FAM178B: variants seen among roughly 807,000 people sequenced by gnomAD.
FAM178B encodes the protein protein FAM178B.
Under a neutral mutation model 91.7 loss-of-function variants are expected in FAM178B, and 82 were observed. The ratio of observed to expected loss-of-function variants is 0.89; its 90% CI spans 0.75 to 1.07. The LOEUF (loss-of-function observed/expected upper bound fraction) is 1.07, where lower values mean the gene tolerates loss of function less well. FAM178B is among the 50% of genes least tolerant of loss of function. FAM178B has a pLI of 0.00. For missense variants in FAM178B, 769 were observed against 846.7 expected, an observed-to-expected ratio of 0.91 and a Z score of 1.14; for synonymous variants, 368 against 359.4, an observed-to-expected ratio of 1.02 and a Z score of -0.27.
chr2:96,949,545 C>G (rs1478847647), intron 7 of FAM178B, among the ~76,000 whole-genome samples: 1 of 152,152 alleles, frequency 6.6e-6, no homozygotes, highest in Admixed American at 6.5e-5. Context: ...CCCAGCATGC[C>G]CCTACCCTGG....
Position 96,930,194 on chromosome 2 carries a change from C to T in FAM178B, c.1079-874G>A, listed in dbSNP as rs369966488. On this transcript the variant is annotated intron_variant, in intron 8 of 16. Transcript: ENST00000490605. ...CACTCCAGCAGCCTGGGTGACAGAG[C>T]GAGACTCCGTCTCTCCAAAAAAAAA... is the stretch of plus-strand genomic sequence containing the variant. Among the ~76,000 whole-genome samples the T allele has an allele frequency of 2.7e-4, 30 of 111,168 alleles. No individual in the cohort carries two copies. In the East Asian group the frequency reaches 3.9e-3, roughly 15 times the overall value. The allele number at this position is 111,168 out of a possible 152,430, so 72.9% of individuals were successfully genotyped here.
At chr2:96,959,228 T>TAAAAAAAAAA (rs2082046732) in intron 6 of FAM178B, among the ~76,000 whole-genome samples, 1 of 130,172 alleles carries the variant, frequency 7.7e-6, no homozygotes, top group African/African-American at 3.0e-5. Flanking sequence ...AAAAAAAAAG[T>TAAAAAAAAAA]AATCCTGCAA....
At chr2:96,905,479 C>T (rs1481527213) in intron 12 of FAM178B, among the ~76,000 whole-genome samples, 1 of 150,930 alleles carries the variant, frequency 6.6e-6, no homozygotes, top group African/African-American at 2.4e-5. Flanking sequence ...ATTGCTTGAA[C>T]CCGGGAGGCA....
intron 9 of FAM178B, 61 bp from the exon 10 acceptor site, chr2:96,923,644 G>A (rs938205103): frequency 3.1e-6 from 4 of 1,304,802 alleles, no homozygotes; most frequent in South Asian, 2.5e-5. Flanking sequence ...GGGCAGGAGT[G>A]AGGCGCAAAG....
At chr2:96,951,325 G>A (rs1332163478) in intron 7 of FAM178B, 54 bp downstream of exon 7, 4 of 1,327,378 alleles carry the variant, frequency 3.0e-6, no homozygotes, top group Admixed American at 2.0e-5. Flanking sequence ...TGGGCCTGCC[G>A]GGCCACCAGA....
intron 9 of FAM178B, 72 bp from the exon 10 acceptor site, chr2:96,923,655 T>C (rs1341248447): frequency 1.8e-6 from 2 of 1,114,710 alleles, no homozygotes; most frequent in African/African-American, 3.1e-5. Context: ...AGGCGCAAAG[T>C]GGGACACTGC....
At chr2:96,928,320 T>C (rs977599935) in intron 9 of FAM178B, among the ~76,000 whole-genome samples, 1 of 152,172 alleles carries the variant, frequency 6.6e-6, no homozygotes, top group Non-Finnish European at 1.5e-5. Flanking sequence ...TGTGCTAAAA[T>C]TTGTAGAACA....
At chr2:96,962,050 TCAGCA>T (rs1364716363) in intron 5 of FAM178B, among the ~76,000 whole-genome samples, 2 of 152,124 alleles carry the variant, frequency 1.3e-5, no homozygotes, top group East Asian at 3.9e-4. Context: ...GTGCGGTGGC[TCAGCA>T]CTATGGGAGG....
intron 13 of FAM178B, chr2:96,894,948 C>A (rs2080790449): frequency 2.4e-6 from 2 of 834,594 alleles, no homozygotes; most frequent in Non-Finnish European, 1.7e-6. Context: ...TGCCGCTCTG[C>A]ATCTGTGGGC....
intron 8 of FAM178B, among the ~76,000 whole-genome samples, chr2:96,935,354 C>A (rs2081607056): frequency 6.6e-6 from 1 of 152,198 alleles, no homozygotes; most frequent in South Asian, 2.1e-4. Context: ...GCCTCTCATG[C>A]TCCAGGTCAC....
At chr2:96,983,108 T>C (rs2082383403) in intron 1 of FAM178B, among the ~76,000 whole-genome samples, 1 of 151,928 alleles carries the variant, frequency 6.6e-6, no homozygotes, top group Non-Finnish European at 1.5e-5. Context: ...CTTGAACTCC[T>C]GGGATCAAAC....
intron 1 of FAM178B, among the ~76,000 whole-genome samples, chr2:96,982,066 C>CA (rs1017258283): frequency 2.6e-4 from 39 of 149,090 alleles, no homozygotes; most frequent in South Asian, 1.9e-3. Flanking sequence ...GACCCTGTCT[C>CA]AAAAAAAAAG....
At chr2:96,920,069 AAGG>A in intron 12 of FAM178B, among the ~76,000 whole-genome samples, 1 of 152,124 alleles carries the variant, frequency 6.6e-6, no homozygotes, top group Non-Finnish European at 1.5e-5. Context: ...AGGGGTAGGA[AAGG>A]AGTCATTCTA....
At chr2:96,923,370 G>T in intron 10 of FAM178B, 120 bp downstream of exon 10, 1 of 754,648 alleles carries the variant, frequency 1.3e-6, no homozygotes, top group Non-Finnish European at 2.3e-6. Flanking sequence ...AGCCAGCACA[G>T]TGCCTGCCAT....
chr2:96,940,467 CAG>C (rs1300692028), intron 8 of FAM178B, among the ~76,000 whole-genome samples: 3 of 152,158 alleles, frequency 2.0e-5, no homozygotes, highest in African/African-American at 7.2e-5. Flanking sequence ...TGGTGAAGAA[CAG>C]AGAGTGTCAA....
chr2:96,964,965 C>T (rs1051788178), intron 5 of FAM178B, among the ~76,000 whole-genome samples: 2 of 152,118 alleles, frequency 1.3e-5, no homozygotes, highest in Non-Finnish European at 2.9e-5. Context: ...TGTTCTCTCT[C>T]CCCAGGTGAT....
chr2:96,925,546 C>T (rs1017330372), intron 9 of FAM178B, among the ~76,000 whole-genome samples: 3 of 152,228 alleles, frequency 2.0e-5, no homozygotes, highest in African/African-American at 7.2e-5. Flanking sequence ...AGCAAGGGGC[C>T]ACAGCCCGGG....
intron 6 of FAM178B, among the ~76,000 whole-genome samples, chr2:96,957,575 T>C (rs6576996): frequency 0.23 from 34,374 of 152,168 alleles, 6,417 homozygotes; most frequent in African/African-American, 0.51. Context: ...CACCGCTCCA[T>C]GGGCCATCTC....
In FAM178B at chr2:96,967,641, AG is replaced by A; in HGVS notation, c.627-15del. 1 of 1,528,814 alleles carries A rather than the reference AG, an allele frequency of 6.5e-7. No homozygotes were observed. 94.7% of individuals were successfully genotyped at this position (1,528,814 alleles called of 1,614,324 possible). On this transcript the variant is annotated splice_polypyrimidine_tract_variant and intron_variant, in intron 4 of 16. Coordinates refer to ENST00000490605, the MANE Select transcript of FAM178B (RefSeq NM_001122646.3). ...AGGGCCTGTTCCCTATAGGAAGTCGAGGGCCAGAGCCGGGGGTCAGTGTTGT... is the reference window on the plus strand; with the variant it reads ...AGGGCCTGTTCCCTATAGGAAGTCGAGGCCAGAGCCGGGGGTCAGTGTTGT...
Sources: gnomAD v4.1 joint callset for allele counts (sites outside exome capture counted in the v4.1 genomes callset) on GRCh38, gnomAD v4.1.1 for gene constraint, MANE v1.5 for transcripts, NCBI Gene and HGNC (gene_info 2026-07-23, HGNC 2026-07-21) for gene names.